Variants in CELSR1 observed in about 807,000 individuals in gnomAD.
CELSR1 encodes cadherin EGF LAG seven-pass G-type receptor 1.
In CELSR1, 110 loss-of-function variants were observed where a neutral mutation model predicts 249.1. The observed-to-expected ratio is 0.44, with a 90% CI of 0.38 to 0.52. CELSR1 has a LOEUF of 0.52. CELSR1 is among the 20% of genes least tolerant of loss of function. The probability of loss-of-function intolerance (pLI) is 0.00; values close to 1 mark genes in which losing one functional copy is unlikely to be tolerated. For missense variants in CELSR1, 4,109 were observed against 4,296.4 expected, an observed-to-expected ratio of 0.96 and a Z score of 1.22; for synonymous variants, 2,113 against 1,900.0, an observed-to-expected ratio of 1.11 and a Z score of -2.92.
At chr22:46,513,149 A>G in intron 1 of CELSR1, among the ~76,000 whole-genome samples, 1 of 152,166 alleles carries the variant, frequency 6.6e-6, no homozygotes, top group Non-Finnish European at 1.5e-5. Context: ...GACTGGGGAC[A>G]ATACACCTGG....
chr22:46,404,454 C>T (rs150119168), intron 9 of CELSR1, among the ~76,000 whole-genome samples: 1 of 152,160 alleles, frequency 6.6e-6, no homozygotes, highest in African/African-American at 2.4e-5. Context: ...ACGCTACATG[C>T]TTGCTAACCT....
At chr22:46,373,126 G>T (rs2078874451) in intron 24 of CELSR1, 69 bp from the exon 25 acceptor site, 1 of 1,461,658 alleles carries the variant, frequency 6.8e-7, no homozygotes, top group Non-Finnish European at 9.1e-7. Flanking sequence ...GCATGAGTGA[G>T]GGGTGGGGGA....
In CELSR1 at chr22:46,395,861, G is replaced by A. The variant is rs2079142277; in HGVS notation, c.5843+744C>T. 6.6e-6 allele frequency among the ~76,000 whole-genome samples: 1 copy of A among 152,210 alleles called. No homozygotes were observed. The highest frequency in any genetic ancestry group is 2.4e-5 in the African/African-American group (1 of 41,442). Reference sequence around the variant, plus strand: ...CGCACCTGTACCCAGCGATCCCCGTGCAAAGGGTACAGAGCCCAGAGCCCA... The same window carrying A: ...CGCACCTGTACCCAGCGATCCCCGTACAAAGGGTACAGAGCCCAGAGCCCA... On this transcript the variant is annotated intron_variant, in intron 13 of 34. Coordinates refer to ENST00000674500, the MANE Select transcript of CELSR1 (RefSeq NM_001378328.1). The surrounding 1 kb of genome is among the most constrained non-coding windows in gnomAD (Gnocchi z 5.5).
intron 5 of CELSR1, among the ~76,000 whole-genome samples, chr22:46,422,752 G>A (rs910121712): frequency 5.8e-5 from 8 of 137,168 alleles, no homozygotes; most frequent in Admixed American, 5.7e-4. Flanking sequence ...GGGCGACAGA[G>A]CGAGACTCCA....
In CELSR1 at chr22:46,527,087, C is replaced by A. The variant is rs1411058640; in HGVS notation, c.3544+6540G>T. On this transcript the variant is annotated intron_variant, in intron 1 of 34. Coordinates refer to ENST00000674500, the MANE Select transcript of CELSR1 (RefSeq NM_001378328.1). This position sits in a 1 kb window ranked among gnomAD's most constrained non-coding sequence, Gnocchi z 5.5. ...CCATCACAAGCTGGTGCCCTGGGAG[C>A]CCTGTCCTTGGTTTGCTCATCTCTA... Among the ~76,000 whole-genome samples, 6 of 152,178 alleles carry A rather than the reference C, an allele frequency of 3.9e-5. No individual in the cohort carries two copies. The highest frequency in any genetic ancestry group is 6.5e-5 in the Admixed American group (1 of 15,272).
Position 46,412,664 on chromosome 22 carries a change from C to T in CELSR1, c.4612-905G>A, listed in dbSNP as rs1258305357. Among the ~76,000 whole-genome samples the T allele has an allele frequency of 6.6e-6, 1 of 152,172 alleles. No homozygotes were observed. Among genetic ancestry groups the T allele is most frequent in the Non-Finnish European group, 1.5e-5 (1 of 68,038 alleles). The stretch of plus-strand genomic sequence containing the variant: ...TCGCAGGTCTCAGCTCCTGGTCAGT[C>T]CCTCCCAGGACACGAAGCATATCCA... On this transcript the variant is annotated intron_variant, in intron 5 of 34. Coordinates refer to ENST00000674500, the MANE Select transcript of CELSR1 (RefSeq NM_001378328.1). This position sits in a 1 kb window ranked among gnomAD's most constrained non-coding sequence, Gnocchi z 4.5.
intron 5 of CELSR1, among the ~76,000 whole-genome samples, chr22:46,432,870 G>A (rs2079611903): frequency 6.6e-6 from 1 of 152,116 alleles, no homozygotes; most frequent in Non-Finnish European, 1.5e-5. Context: ...CCGACCCAGA[G>A]CTCTGGGTGG....
At chr22:46,424,581 G>A (rs1437990286) in intron 5 of CELSR1, among the ~76,000 whole-genome samples, 3 of 152,130 alleles carry the variant, frequency 2.0e-5, no homozygotes, top group Non-Finnish European at 4.4e-5. Flanking sequence ...CAAGGACCCT[G>A]CCTGTGTCCT....
chr22:46,502,634 T>C (rs2080478064), intron 1 of CELSR1, among the ~76,000 whole-genome samples: 1 of 152,146 alleles, frequency 6.6e-6, no homozygotes, highest in South Asian at 2.1e-4. Flanking sequence ...AATACTTTGC[T>C]TTGTGCTTTA....
intron 1 of CELSR1, among the ~76,000 whole-genome samples, chr22:46,524,641 C>T (rs5767241): frequency 0.57 from 86,220 of 151,598 alleles, 25,482 homozygotes; most frequent in East Asian, 0.9. Flanking sequence ...AGAACAGGCG[C>T]TAGAGGGATG....
chr22:46,460,211 A>ACACACCCACACCCACACC (rs61284373), intron 2 of CELSR1, among the ~76,000 whole-genome samples: 1 of 148,870 alleles, frequency 6.7e-6, no homozygotes, highest in East Asian at 2.0e-4. Flanking sequence ...ACACACACAC[A>ACACACCCACACCCACACC]CACACCCATT....
chr22:46,535,801 G>A lies in CELSR1; in HGVS notation c.1370C>T (p.Pro457Leu), dbSNP rs2147828438. 1 of 1,612,312 alleles carries A rather than the reference G, an allele frequency of 6.2e-7. No homozygotes were observed. The highest frequency in any genetic ancestry group is 1.3e-5 in the African/African-American group (1 of 75,054). ...CACGTAGTTCTGCTCGCTGAACTGG[G>A]GGTAGTTGTCGTTCTCGTCCTCCAC... is the stretch of plus-strand genomic sequence containing the variant. ...IEVEDENDNY[P>L]QFSEQNYVVQ... is the part of the protein sequence containing the mutation. Residue 457 changes from proline to leucine, a missense_variant, in exon 1 of 35, where the codon CCC becomes CTC. Physicochemically the swap from Pro to Leu is moderately conservative, Grantham distance 98 (BLOSUM62 -3). Transcript: ENST00000674500.
rs773276655 is a variant in CELSR1, at chr22:46,364,178, C to T, written c.8853G>A (p.Arg2951=). 1 of 1,612,188 alleles carries T rather than the reference C, an allele frequency of 6.2e-7. No homozygotes were observed. Among genetic ancestry groups the T allele is most frequent in the Non-Finnish European group, 8.5e-7 (1 of 1,179,820 alleles). The stretch of plus-strand genomic sequence containing the variant: ...TCTGCTCACAGTCGGCCAGCTTCTC[C>T]CGGAGCCGGCCCTTCAGCGTCTGCT... ...LTEQTLKGRL[R]EKLADCEQSP... The change falls in exon 34 of 35, where the codon CGG becomes CGA. Residue 2951 remains arginine (R), a synonymous_variant. Coordinates refer to ENST00000674500, the MANE Select transcript of CELSR1 (RefSeq NM_001378328.1).
At position 46,537,252 on chromosome 22, in the gene CELSR1, G is replaced by A; in HGVS notation, c.-82C>T. On this transcript the variant is annotated 5_prime_UTR_variant, in exon 1 of 35. Transcript: ENST00000674500. This position sits in a 1 kb window ranked among gnomAD's most constrained non-coding sequence, Gnocchi z 5.8. ...CCTCCGCATCCACCCGGCGAGGCCGGGGAGCGGCTCCCGGGCGCCCGGCCC... is the reference window on the plus strand; with the variant it reads ...CCTCCGCATCCACCCGGCGAGGCCGAGGAGCGGCTCCCGGGCGCCCGGCCC... 9.9e-7 allele frequency: 1 copy of A among 1,008,582 alleles called. No individual in the cohort carries two copies. 62.5% of individuals were successfully genotyped at this position (1,008,582 alleles called of 1,614,324 possible). A position where few individuals can be genotyped will look rare whatever the true frequency, so the allele number is the denominator to read the frequency against.
intron 1 of CELSR1, among the ~76,000 whole-genome samples, chr22:46,528,195 G>A (rs925246082): frequency 2.0e-5 from 3 of 151,468 alleles, no homozygotes; most frequent in African/African-American, 7.3e-5. Context: ...ACAGTAGCCC[G>A]CCCCTACTTC....
At chr22:46,443,778 T>C (rs1413740139) in intron 2 of CELSR1, among the ~76,000 whole-genome samples, 1 of 152,252 alleles carries the variant, frequency 6.6e-6, no homozygotes, top group African/African-American at 2.4e-5. Flanking sequence ...AAGTCAGTGC[T>C]CGTGGCTTCC....
rs1219499141 is a variant in CELSR1, at chr22:46,484,561, T to TGGGGGCAGCC, written c.3545-20226_3545-20217dup. On this transcript the variant is annotated intron_variant, in intron 1 of 34. Transcript: ENST00000674500. The surrounding 1 kb of genome is among the most constrained non-coding windows in gnomAD (Gnocchi z 4.5). Reference sequence around the variant, plus strand: ...TAGGGTTAGTGCCTCAAGTTAGAGCTGGGGGCAGCCCGGGACAGCCTGGCA... The same window carrying TGGGGGCAGCC: ...TAGGGTTAGTGCCTCAAGTTAGAGCTGGGGGCAGCCGGGGGCAGCCCGGGACAGCCTGGCA... Among the ~76,000 whole-genome samples, 1 of 150,638 alleles carries TGGGGGCAGCC rather than the reference T, an allele frequency of 6.6e-6. No individual in the cohort carries two copies. Among genetic ancestry groups the TGGGGGCAGCC allele is most frequent in the East Asian group, 2.0e-4 (1 of 5,100 alleles).
chr22:46,521,044 A>C (rs2080680030), intron 1 of CELSR1, among the ~76,000 whole-genome samples: 1 of 152,162 alleles, frequency 6.6e-6, no homozygotes. Context: ...CGTTGTAGTA[A>C]GTGTCAGAAT....
Position 46,533,864 on chromosome 22 carries a change from C to G in CELSR1, c.3307G>C (p.Asp1103His), listed in dbSNP as rs145654024. ...TAGTTGTTGAAGAGGATCTGGAAGTCGGGCAGCACAGGCGGGTTGTCATTC... is the reference window on the plus strand; with the variant it reads ...TAGTTGTTGAAGAGGATCTGGAAGTGGGGCAGCACAGGCGGGTTGTCATTC... ...DQNDNPPVLP[D>H]FQILFNNYVT... Residue 1103 changes from aspartate (D) to histidine (H), a missense_variant, in exon 1 of 35, where the codon GAC becomes CAC. This residue lies in a region of CELSR1 where 886 missense variants were observed against 896.5 expected (regional missense o/e 0.99). Transcript: ENST00000674500. 1 of 1,613,814 alleles carries G rather than the reference C, an allele frequency of 6.2e-7. No individual in the cohort carries two copies. Among genetic ancestry groups the G allele is most frequent in the Non-Finnish European group, 8.5e-7 (1 of 1,180,028 alleles).
Sources: gnomAD v4.1 joint callset for allele counts (sites outside exome capture counted in the v4.1 genomes callset) on GRCh38, gnomAD v4.1.1 for gene constraint, gnomAD v4.1.1 regional missense constraint, Gnocchi (gnomAD v3.1) non-coding constraint, MANE v1.5 for transcripts, NCBI Gene and HGNC (gene_info 2026-07-23, HGNC 2026-07-21) for gene names.